The following CRACR2A variants were observed in gnomAD, a reference collection of about 807,000 sequenced individuals.
CRACR2A encodes calcium release activated channel regulator 2A, also known as EF-hand calcium-binding domain-containing protein 4B.
A neutral mutation model predicts 90.5 loss-of-function variants in CRACR2A; 79 were observed. The ratio of observed to expected loss-of-function variants is 0.87; its 90% CI spans 0.73 to 1.05. The LOEUF (loss-of-function observed/expected upper bound fraction) is 1.05, where lower values mean the gene tolerates loss of function less well. Ranked by LOEUF, CRACR2A falls within the 50% of genes least tolerant of loss-of-function variation. The probability of loss-of-function intolerance (pLI) is 0.00; values close to 1 mark genes in which losing one functional copy is unlikely to be tolerated. For missense variants in CRACR2A, 823 were observed against 897.2 expected, an observed-to-expected ratio of 0.92 and a Z score of 1.06; for synonymous variants, 338 against 356.7, an observed-to-expected ratio of 0.95 and a Z score of 0.59.
Position 3,617,003 on chromosome 12 carries a change from T to G in CRACR2A, c.2062A>C (p.Ser688Arg). 1 of 1,551,578 alleles carries G rather than the reference T, an allele frequency of 6.4e-7. No individual in the cohort carries two copies. ...TENNLIFYEC[S>R]AYSGHNTKES... is the part of the protein sequence containing the mutation. ...TTGGTGTTGTGACCAGAGTAGGCGCTGCATTCATAGAAGATCAGATTGTTC... is the reference window on the plus strand; with the variant it reads ...TTGGTGTTGTGACCAGAGTAGGCGCGGCATTCATAGAAGATCAGATTGTTC... Residue 688 changes from serine (S) to arginine (R), a missense_variant, in exon 19 of 20, where the codon AGC becomes CGC. Ser to Arg is a moderately radical substitution (Grantham distance 110, BLOSUM62 -1). Coordinates refer to ENST00000440314, the MANE Select transcript of CRACR2A (RefSeq NM_001144958.2).
At chr12:3,690,287 T>C (rs954107048) in intron 4 of CRACR2A, among the ~76,000 whole-genome samples, 2 of 152,192 alleles carry the variant, frequency 1.3e-5, no homozygotes, top group African/African-American at 4.8e-5. Flanking sequence ...CTTTTTAATG[T>C]GAGCATTTAG....
intron 3 of CRACR2A, among the ~76,000 whole-genome samples, chr12:3,708,481 G>C (rs528881146): frequency 6.6e-6 from 1 of 152,246 alleles, no homozygotes; most frequent in South Asian, 2.1e-4. Flanking sequence ...CTGGAGTGCA[G>C]TGGCGCCATC....
intron 1 of CRACR2A, among the ~76,000 whole-genome samples, chr12:3,734,497 A>G (rs1946416537): frequency 6.6e-6 from 1 of 152,172 alleles, no homozygotes; most frequent in African/African-American, 2.4e-5. Flanking sequence ...TCCGAAGGAA[A>G]CACGATCAGT....
chr12:3,623,448 G>A (rs1434131404), intron 17 of CRACR2A, among the ~76,000 whole-genome samples: 1 of 152,112 alleles, frequency 6.6e-6, no homozygotes, highest in Non-Finnish European at 1.5e-5. Flanking sequence ...CAGCAATCCG[G>A]CTCTGGGGGA....
chr12:3,678,760 G>A (rs1013480884), intron 6 of CRACR2A, among the ~76,000 whole-genome samples, 155 bp downstream of exon 6: 1 of 152,060 alleles, frequency 6.6e-6, no homozygotes, highest in Non-Finnish European at 1.5e-5. Flanking sequence ...ACAAAGGACA[G>A]GCCCCCACTG....
At chr12:3,662,527 A>G (rs1945055778) in intron 7 of CRACR2A, among the ~76,000 whole-genome samples, 1 of 152,224 alleles carries the variant, frequency 6.6e-6, no homozygotes, top group East Asian at 1.9e-4. Flanking sequence ...AGTAAATGTA[A>G]GGGATTATTT....
At chr12:3,616,491 A>G (rs1294993768) in intron 19 of CRACR2A, among the ~76,000 whole-genome samples, 2 of 152,124 alleles carry the variant, frequency 1.3e-5, no homozygotes, top group African/African-American at 2.4e-5. Context: ...TTGATTTCCC[A>G]TCACAGCCCC....
At chr12:3,726,145 AG>A (rs1946259280) in intron 2 of CRACR2A, 1 of 152,122 alleles carries the variant, frequency 6.6e-6, no homozygotes, top group East Asian at 1.9e-4. Flanking sequence ...TTTTAATAAA[AG>A]GATAAAAAGG....
intron 14 of CRACR2A, among the ~76,000 whole-genome samples, chr12:3,634,291 G>A (rs1591642513): frequency 6.6e-6 from 1 of 152,188 alleles, no homozygotes. Flanking sequence ...AATGGAGGAT[G>A]CTTTTGCCTC....
chr12:3,635,713 T>G (rs1284320362), intron 14 of CRACR2A, among the ~76,000 whole-genome samples: 1 of 152,156 alleles, frequency 6.6e-6, no homozygotes, highest in African/African-American at 2.4e-5. Flanking sequence ...CCCATGTTGC[T>G]TAGGCTGGTC....
At chr12:3,654,833 G>T (rs1944868735) in intron 9 of CRACR2A, among the ~76,000 whole-genome samples, 4 of 152,142 alleles carry the variant, frequency 2.6e-5, no homozygotes, top group Admixed American at 2.6e-4. Context: ...TCCCAATTTT[G>T]CACGCTGATA....
intron 15 of CRACR2A, among the ~76,000 whole-genome samples, chr12:3,632,479 T>C (rs1209125028): frequency 1.3e-5 from 2 of 152,166 alleles, no homozygotes; most frequent in East Asian, 1.9e-4. Flanking sequence ...TCAGGACTTC[T>C]GATGTCTCAC....
chr12:3,616,051 C>T (rs556819736), intron 19 of CRACR2A, among the ~76,000 whole-genome samples: 1 of 152,352 alleles, frequency 6.6e-6, no homozygotes, highest in Non-Finnish European at 1.5e-5. Flanking sequence ...CTCTCAACAA[C>T]CTGTGAGTGG....
chr12:3,630,975 C>T (rs1165421392), intron 15 of CRACR2A, among the ~76,000 whole-genome samples: 1 of 152,228 alleles, frequency 6.6e-6, no homozygotes, highest in African/African-American at 2.4e-5. Flanking sequence ...GCTGTAGCCG[C>T]TGCCCTTGAC....
chr12:3,643,337 G>A (rs927835743), intron 12 of CRACR2A, among the ~76,000 whole-genome samples: 1 of 152,142 alleles, frequency 6.6e-6, no homozygotes, highest in Non-Finnish European at 1.5e-5. Context: ...CTAGGTCACC[G>A]TTCAGCTAAG....
intron 8 of CRACR2A, 31 bp from the exon 9 acceptor site, chr12:3,656,437 C>A: frequency 6.2e-7 from 1 of 1,605,788 alleles, no homozygotes; most frequent in Non-Finnish European, 8.5e-7. Flanking sequence ...ACACACAGGA[C>A]CCAAATGTAG....
intron 3 of CRACR2A, among the ~76,000 whole-genome samples, chr12:3,709,065 A>T (rs981391650): frequency 6.6e-6 from 1 of 152,204 alleles, no homozygotes; most frequent in Admixed American, 6.5e-5. Context: ...ACAGATTTGT[A>T]TTGTCTTTCA....
intron 3 of CRACR2A, among the ~76,000 whole-genome samples, chr12:3,703,465 T>C (rs1945866325): frequency 6.6e-6 from 1 of 152,220 alleles, no homozygotes; most frequent in African/African-American, 2.4e-5. Context: ...GTAAAACCTG[T>C]AAACATAAAA....
At position 3,672,887 on chromosome 12, in the gene CRACR2A, A is replaced by G. The variant is rs1387454513; in HGVS notation, c.671+559T>C. On this transcript the variant is annotated intron_variant, in intron 7 of 19. Coordinates refer to ENST00000440314, the MANE Select transcript of CRACR2A (RefSeq NM_001144958.2). ...GAGACATGAGGCCGTGACGGGAGAG[A>G]GCGGCCAGGAGGAGGGACATTCAGC... 1.0e-5 allele frequency: 8 copies of G among 766,764 alleles called. No homozygotes were observed. The Admixed American group carries it at 5.0e-4, about 48-fold the overall frequency. 47.5% of individuals were successfully genotyped at this position (766,764 alleles called of 1,614,324 possible).
Sources: gnomAD v4.1 joint callset for allele counts (sites outside exome capture counted in the v4.1 genomes callset) on GRCh38, gnomAD v4.1.1 for gene constraint, MANE v1.5 for transcripts, NCBI Gene and HGNC (gene_info 2026-07-23, HGNC 2026-07-21) for gene names.